The following TSC22D1 variants were observed in gnomAD, a reference collection of about 807,000 sequenced individuals.
TSC22D1 encodes the protein TSC22 domain family member 1.
Under a neutral mutation model 74.2 loss-of-function variants are expected in TSC22D1, and 9 were observed. That is an observed-to-expected ratio of 0.12 (90% confidence interval 0.07 to 0.21). TSC22D1 has a LOEUF of 0.21. Ranked by LOEUF, TSC22D1 falls within the 10% of genes least tolerant of loss-of-function variation. The pLI, the probability that TSC22D1 is intolerant of heterozygous loss-of-function variation, is 1.00. For missense variants in TSC22D1, 1,427 were observed against 1,304.7 expected (o/e 1.09, Z -1.44); for synonymous variants, 586 against 492.5 (o/e 1.19, Z -2.51).
Position 44,434,419 on chromosome 13 carries a change from C to G in TSC22D1, c.*207G>C, listed in dbSNP as rs923004565. The G allele has an allele frequency of 2.9e-6, 4 of 1,357,756 alleles. No individual in the cohort carries two copies. In the Admixed American group the frequency reaches 1.5e-4, roughly 49 times the overall value. The allele number at this position is 1,357,756 out of a possible 1,614,324, so 84.1% of individuals were successfully genotyped here. A position where few individuals can be genotyped will look rare whatever the true frequency, so the allele number is the denominator to read the frequency against. ...ATATCCATGCTAATTCTCGGATTAA[C>G]CTTTAATTCACCCAACTAAGAAATT... On this transcript the variant is annotated 3_prime_UTR_variant, in exon 3 of 3. Transcript: ENST00000458659.
chr13:44,455,671 T>C (rs948447324), intron 1 of TSC22D1, among the ~76,000 whole-genome samples: 5 of 152,238 alleles, frequency 3.3e-5, no homozygotes, highest in Non-Finnish European at 7.3e-5. Flanking sequence ...GATAGCTCTT[T>C]TTTGAGTCTT....
chr13:44,442,258 C>T (rs952830078), intron 1 of TSC22D1, among the ~76,000 whole-genome samples: 2 of 152,180 alleles, frequency 1.3e-5, no homozygotes, highest in African/African-American at 4.8e-5. Context: ...CAATAATTCA[C>T]AATGTCTGGC....
rs994761858 is a variant in TSC22D1 at position 44,536,440 on chromosome 13, A to T, written c.2912+36723T>A. Among the ~76,000 whole-genome samples the T allele has an allele frequency of 5.3e-5, 8 of 152,032 alleles. No individual in the cohort carries two copies. In the South Asian group the frequency reaches 1.5e-3, roughly 28 times the overall value. On this transcript the variant is annotated intron_variant, in intron 1 of 2. Coordinates refer to ENST00000458659, the MANE Select transcript of TSC22D1 (RefSeq NM_183422.4). ...TGTAGCTATAAAAACAAGAATCAAT[A>T]AAACTAAATATTACCCTTCTCCATG...
chr13:44,525,038 A>G (rs1340420759), intron 1 of TSC22D1, among the ~76,000 whole-genome samples: 2 of 152,224 alleles, frequency 1.3e-5, no homozygotes, highest in Non-Finnish European at 2.9e-5. Flanking sequence ...AACAGCGGGT[A>G]TATCAAAGCC....
chr13:44,534,415 A>G (rs1474828025), intron 1 of TSC22D1, among the ~76,000 whole-genome samples: 1 of 151,672 alleles, frequency 6.6e-6, no homozygotes, highest in African/African-American at 2.4e-5. Flanking sequence ...CTTTTTAAAG[A>G]ACTCAAAAAC....
At chr13:44,548,101 A>G (rs1417546864) in intron 1 of TSC22D1, among the ~76,000 whole-genome samples, 3 of 152,246 alleles carry the variant, frequency 2.0e-5, no homozygotes, top group Non-Finnish European at 2.9e-5. Flanking sequence ...CTAAGATCAC[A>G]TGTCTAGTAA....
chr13:44,468,107 A>C (rs1260391030), intron 1 of TSC22D1, among the ~76,000 whole-genome samples: 1 of 152,210 alleles, frequency 6.6e-6, no homozygotes, highest in African/African-American at 2.4e-5. Context: ...CATTCAAAGC[A>C]AACTCAACTC....
chr13:44,516,283 A>C (rs1879976379), intron 1 of TSC22D1: 3 of 425,352 alleles, frequency 7.1e-6, no homozygotes, highest in Non-Finnish European at 9.0e-6. Context: ...AATGGTGAGA[A>C]AGCACCTCCC....
intron 1 of TSC22D1, among the ~76,000 whole-genome samples, chr13:44,548,482 C>T (rs1881979423): frequency 6.6e-6 from 1 of 152,178 alleles, no homozygotes; most frequent in Admixed American, 6.5e-5. Context: ...TCTGAAACAA[C>T]TTCAAATTCA....
Position 44,574,864 on chromosome 13 carries a change from G to GTGT in TSC22D1, c.1208_1210dup (p.Asn403dup), listed in dbSNP as rs760936116. 1.2e-6 allele frequency: 2 copies of GTGT among 1,614,144 alleles called. No homozygotes were observed. The highest frequency in any genetic ancestry group is 2.2e-5 in the South Asian group (2 of 91,088). ...TAACTTCACAACTCTGAACCTCGAA[G>GTGT]TGTTAACTGTTGGTTGTTGCTGCTG... On this transcript the variant is annotated inframe_insertion, in exon 1 of 3. Coordinates refer to ENST00000458659, the MANE Select transcript of TSC22D1 (RefSeq NM_183422.4).
intron 1 of TSC22D1, among the ~76,000 whole-genome samples, chr13:44,547,404 A>C (rs1267893907): frequency 6.6e-6 from 1 of 152,184 alleles, no homozygotes; most frequent in Non-Finnish European, 1.5e-5. Context: ...CAAAAGGGAA[A>C]ATCTTTCCTA....
At chr13:44,554,361 G>A (rs772298676) in intron 1 of TSC22D1, among the ~76,000 whole-genome samples, 14 of 152,142 alleles carry the variant, frequency 9.2e-5, no homozygotes, top group South Asian at 2.1e-4. Context: ...TAGTCCAGAT[G>A]CATCAATTCA....
intron 1 of TSC22D1, among the ~76,000 whole-genome samples, chr13:44,548,010 T>C (rs963953052): frequency 6.6e-6 from 1 of 152,216 alleles, no homozygotes; most frequent in Non-Finnish European, 1.5e-5. Context: ...ATCTTTAGCA[T>C]AACCCTATCA....
rs1884197371 is a variant in TSC22D1, at chr13:44,575,894, G to A, written c.181C>T (p.Pro61Ser). Residue 61 changes from proline (P) to serine (S), a missense_variant, in exon 1 of 3, where the codon CCG (proline) becomes TCG (serine). This residue lies in a region of TSC22D1 where 1,343 missense variants were observed against 1,191.5 expected (regional missense o/e 1.13). Coordinates refer to ENST00000458659, the MANE Select transcript of TSC22D1 (RefSeq NM_183422.4). ...GGGGGCGGCGGCTGAAGCAGCGACG[G>A]AGGCGGAAAATCCTCGGAAGATGTG... ...NATSSEDFPP[P>S]SLLQPPPPAA... 11 of 1,614,030 alleles carry A rather than the reference G, an allele frequency of 6.8e-6. No homozygotes were observed. Among genetic ancestry groups the A allele is most frequent in the Non-Finnish European group, 9.3e-6 (11 of 1,180,004 alleles).
intron 1 of TSC22D1, among the ~76,000 whole-genome samples, chr13:44,520,169 C>T (rs1170566407): frequency 2.0e-5 from 3 of 152,154 alleles, no homozygotes; most frequent in African/African-American, 7.2e-5. Flanking sequence ...AGAATTGACA[C>T]ATGATAACCA....
At chr13:44,549,776 G>GAAAAAAAAAAAAAA (rs1305063154) in intron 1 of TSC22D1, among the ~76,000 whole-genome samples, 1 of 67,954 alleles carries the variant, frequency 1.5e-5, no homozygotes, top group Non-Finnish European at 3.1e-5. Flanking sequence ...CAAAAAAAAA[G>GAAAAAAAAAAAAAA]AAAAAAAAAA....
At chr13:44,544,343 C>T (rs1416770389) in intron 1 of TSC22D1, among the ~76,000 whole-genome samples, 1 of 145,126 alleles carries the variant, frequency 6.9e-6, no homozygotes, top group African/African-American at 2.5e-5. Context: ...TACCCGATAA[C>T]AAAACAAAAA....
intron 1 of TSC22D1, among the ~76,000 whole-genome samples, chr13:44,572,545 GTCCTCCTT>G (rs1378051157): frequency 6.6e-6 from 1 of 152,112 alleles, no homozygotes; most frequent in Admixed American, 6.6e-5. Flanking sequence ...GATAGTTTAT[GTCCTCCTT>G]TCCCACAAAA....
intron 1 of TSC22D1, among the ~76,000 whole-genome samples, chr13:44,451,210 TAGAC>T (rs1350597806): frequency 6.6e-6 from 1 of 152,122 alleles, no homozygotes; most frequent in Non-Finnish European, 1.5e-5. Flanking sequence ...GACAGTCCGT[TAGAC>T]AGAAACAGAC....
Sources: gnomAD v4.1 joint callset for allele counts (sites outside exome capture counted in the v4.1 genomes callset) on GRCh38, gnomAD v4.1.1 for gene constraint, gnomAD v4.1.1 regional missense constraint, MANE v1.5 for transcripts, NCBI Gene and HGNC (gene_info 2026-07-23, HGNC 2026-07-21) for gene names.